The following TANC1 variants were observed in gnomAD, a reference collection of about 807,000 sequenced individuals.
The protein encoded by TANC1 is tetratricopeptide repeat, ankyrin repeat and coiled-coil containing 1, also known as protein TANC1.
In TANC1, 77 loss-of-function variants were observed where a neutral mutation model predicts 149.7. The ratio of observed to expected loss-of-function variants is 0.51; its 90% confidence interval spans 0.43 to 0.62. The LOEUF (loss-of-function observed/expected upper bound fraction) is 0.62, where lower values mean the gene tolerates loss of function less well. Among genes scored for constraint, TANC1 ranks in the 20% least tolerant of loss-of-function variants. TANC1 has a pLI of 0.00. For missense variants in TANC1, 1,985 were observed against 2,321.8 expected, an observed-to-expected ratio of 0.85 and a Z score of 2.98; for synonymous variants, 854 against 925.0, an observed-to-expected ratio of 0.92 and a Z score of 1.39.
At chr2:159,094,124 T>C (rs1186711451) in intron 3 of TANC1, among the ~76,000 whole-genome samples, 1 of 152,230 alleles carries the variant, frequency 6.6e-6, no homozygotes, top group Non-Finnish European at 1.5e-5. Context: ...TTATTTGTTT[T>C]TGTATAGGTC....
intron 5 of TANC1, among the ~76,000 whole-genome samples, chr2:159,136,592 G>T (rs2050772359): frequency 6.6e-6 from 1 of 152,142 alleles, no homozygotes; most frequent in Non-Finnish European, 1.5e-5. Context: ...TCACCCAGTA[G>T]ATTGCTTCCA....
At chr2:159,123,448 A>G (rs991816061) in intron 4 of TANC1, among the ~76,000 whole-genome samples, 2 of 152,042 alleles carry the variant, frequency 1.3e-5, no homozygotes, top group Non-Finnish European at 2.9e-5. Flanking sequence ...AATCAGTGGA[A>G]GCTTTCAAGG....
rs757737811 is a variant in TANC1, at chr2:159,228,834, C to T, written c.4089C>T (p.Leu1363=). ...CAGAGGAATTTGCTTCCAAGGCTCT[C>T]GAATTGAAGCCCAAGTCCTATGAAG... ...GMAEEFASKA[L]ELKPKSYEAF... The change falls in exon 26 of 27, where the codon CTC becomes CTT. Residue 1363 remains leucine, a synonymous_variant. Transcript: ENST00000263635. 8.7e-6 allele frequency: 14 copies of T among 1,613,946 alleles called. No homozygotes were observed. In the South Asian group the frequency reaches 9.9e-5, roughly 11 times the overall value.
chr2:159,034,415 T>C (rs752954905), intron 2 of TANC1, among the ~76,000 whole-genome samples: 9 of 152,192 alleles, frequency 5.9e-5, no homozygotes, highest in Non-Finnish European at 1.3e-4. Context: ...GTGTAGTGAC[T>C]CTCAATCCTG....
intron 2 of TANC1, among the ~76,000 whole-genome samples, chr2:159,046,537 C>T (rs76869990): frequency 0.09 from 13,318 of 147,424 alleles, 642 homozygotes; most frequent in Non-Finnish European, 0.11. Context: ...GATCATTCCT[C>T]ATCAAAGCTG....
In TANC1 at chr2:159,132,516, TCTCA is replaced by T. The variant is rs567343282; in HGVS notation, c.260-3674_260-3671del. Among the ~76,000 whole-genome samples, 179 of 152,234 alleles carry T rather than the reference TCTCA, an allele frequency of 1.2e-3. 1 individual carries two copies. Among genetic ancestry groups the T allele is most frequent in the African/African-American group, 4.2e-3 (176 of 41,534 alleles). On this transcript the variant is annotated intron_variant, in intron 4 of 26. Coordinates refer to ENST00000263635, the MANE Select transcript of TANC1 (RefSeq NM_033394.3). ...TTTTCTTTTGTTTTGTTTGAGACAG[TCTCA>T]CTCTGTTGCCCAGGCTGGAGTGCAG...
Position 159,004,754 on chromosome 2 carries a change from C to T in TANC1, c.-16+3565C>T, listed in dbSNP as rs182470374. Among the ~76,000 whole-genome samples the T allele has an allele frequency of 5.1e-3, 778 of 152,056 alleles. 8 individuals carry two copies. The highest frequency in any genetic ancestry group is 0.018 in the African/African-American group (726 of 41,476). The stretch of plus-strand genomic sequence containing the variant: ...ACAAACAAAAAAAACCAATATTTGC[C>T]GAGACCAGCTCAGTTGTGGAGACCC... On this transcript the variant is annotated intron_variant, in intron 2 of 26. Transcript: ENST00000263635.
rs138427912 is a variant in TANC1 at position 159,143,940 on chromosome 2, T to G, written c.365-5202T>G. 1.0e-3 allele frequency among the ~76,000 whole-genome samples: 153 copies of G among 151,908 alleles called. 3 individuals carry two copies. The highest frequency in any genetic ancestry group is 3.5e-3 in the African/African-American group (146 of 41,416). On this transcript the variant is annotated intron_variant, in intron 5 of 26. Coordinates refer to ENST00000263635, the MANE Select transcript of TANC1 (RefSeq NM_033394.3). ...GAAGTTTTATAACATTAAAATGAAC[T>G]AACATACAGTTTAAAAATTCTTAGT... is the stretch of plus-strand genomic sequence containing the variant.
intron 3 of TANC1, among the ~76,000 whole-genome samples, chr2:159,069,385 T>C (rs934761816): frequency 3.3e-5 from 5 of 152,142 alleles, no homozygotes; most frequent in Admixed American, 2.6e-4. Context: ...TTATTTTTTT[T>C]CCTCTCCCTG....
At chr2:159,008,145 C>G (rs1234236918) in intron 2 of TANC1, among the ~76,000 whole-genome samples, 1 of 152,138 alleles carries the variant, frequency 6.6e-6, no homozygotes. Context: ...GAGAAAGTAG[C>G]AACTATTGTT....
chr2:159,028,265 C>G (rs1236859231), intron 2 of TANC1, among the ~76,000 whole-genome samples: 1 of 152,148 alleles, frequency 6.6e-6, no homozygotes, highest in Non-Finnish European at 1.5e-5. Flanking sequence ...GGATTATAGG[C>G]ACACACCACC....
At chr2:159,198,321 G>A (rs191204838) in intron 18 of TANC1, among the ~76,000 whole-genome samples, 2 of 152,296 alleles carry the variant, frequency 1.3e-5, no homozygotes, top group South Asian at 2.1e-4. Flanking sequence ...ATCTTTGGGG[G>A]CCATTATTCA....
chr2:159,167,138 C>T (rs1473106092), intron 8 of TANC1, among the ~76,000 whole-genome samples: 3 of 152,194 alleles, frequency 2.0e-5, no homozygotes, highest in Non-Finnish European at 2.9e-5. Flanking sequence ...GGGAAATAGG[C>T]AACACTTTTG....
chr2:159,003,055 G>C (rs1348069475), intron 2 of TANC1, among the ~76,000 whole-genome samples: 3 of 152,228 alleles, frequency 2.0e-5, no homozygotes, highest in South Asian at 2.1e-4. Flanking sequence ...GCTGCGGGAT[G>C]CTATCCATCA....
At chr2:159,133,001 A>G (rs2050262808) in intron 4 of TANC1, among the ~76,000 whole-genome samples, 1 of 152,184 alleles carries the variant, frequency 6.6e-6, no homozygotes, top group African/African-American at 2.4e-5. Context: ...ACCATCATAC[A>G]TTAATGAAAT....
intron 7 of TANC1, 49 bp from the exon 8 acceptor site, chr2:159,163,234 C>A (rs769747524): frequency 5.1e-6 from 8 of 1,577,936 alleles, no homozygotes; most frequent in South Asian, 1.2e-5. Context: ...AATTCTTCAG[C>A]CCCAGCTGTG....
chr2:159,064,803 G>A (rs556899086), intron 2 of TANC1, among the ~76,000 whole-genome samples: 45 of 152,268 alleles, frequency 3.0e-4, no homozygotes, highest in African/African-American at 1.0e-3. Context: ...GTGGTGTGTG[G>A]TGTGTTACAC....
intron 3 of TANC1, among the ~76,000 whole-genome samples, chr2:159,085,831 A>ATT (rs2044782703): frequency 6.6e-6 from 1 of 152,190 alleles, no homozygotes; most frequent in African/African-American, 2.4e-5. Flanking sequence ...TGCGGATTAC[A>ATT]TTTCCACATG....
chr2:159,162,435 A>G (rs1026648030), intron 7 of TANC1, among the ~76,000 whole-genome samples: 2 of 152,178 alleles, frequency 1.3e-5, no homozygotes, highest in Non-Finnish European at 2.9e-5. Flanking sequence ...GGCCCAGGTG[A>G]TGATGACCTG....
Sources: gnomAD v4.1 joint callset for allele counts (sites outside exome capture counted in the v4.1 genomes callset) on GRCh38, gnomAD v4.1.1 for gene constraint, MANE v1.5 for transcripts, NCBI Gene and HGNC (gene_info 2026-07-23, HGNC 2026-07-21) for gene names.